VAC14: variants seen among roughly 807,000 people sequenced by gnomAD.
VAC14 encodes the protein VAC14 component of PIKFYVE complex.
Under a neutral mutation model 85.3 loss-of-function variants are expected in VAC14, and 47 were observed. The ratio of observed to expected loss-of-function variants is 0.55; its 90% CI spans 0.44 to 0.70. The LOEUF (loss-of-function observed/expected upper bound fraction) is 0.70. Among genes scored for constraint, VAC14 ranks in the 30% least tolerant of loss-of-function variants. The probability of loss-of-function intolerance (pLI) is 0.00; values close to 1 mark genes in which losing one functional copy is unlikely to be tolerated. For synonymous variants in VAC14, 447 were observed against 430.5 expected, an observed-to-expected ratio of 1.04 and a Z score of -0.47; for missense variants, 861 against 1,004.3, an observed-to-expected ratio of 0.86 and a Z score of 1.93.
At chr16:70,698,408 CCCT>C (rs557018959) in intron 15 of VAC14, among the ~76,000 whole-genome samples, 93 of 152,260 alleles carry the variant, frequency 6.1e-4, no homozygotes, top group African/African-American at 2.0e-3. Context: ...GACACGTGGA[CCCT>C]CCTGCGGGCA....
chr16:70,740,338 G>A (rs534396109), intron 13 of VAC14, among the ~76,000 whole-genome samples: 20 of 152,264 alleles, frequency 1.3e-4, no homozygotes, highest in South Asian at 6.2e-4. Flanking sequence ...AGGGGCAAAC[G>A]TCAGTCCTAG....
At chr16:70,739,166 G>A (rs1206783304) in intron 13 of VAC14, among the ~76,000 whole-genome samples, 2 of 152,210 alleles carry the variant, frequency 1.3e-5, no homozygotes, top group Admixed American at 6.5e-5. Flanking sequence ...TTTATAGAGA[G>A]GGAAGAAGTA....
chr16:70,737,737 A>G (rs2054805905), intron 13 of VAC14, among the ~76,000 whole-genome samples: 2 of 152,198 alleles, frequency 1.3e-5, no homozygotes, highest in African/African-American at 4.8e-5. Context: ...CTCACAAACA[A>G]CCTGCCCCGG....
chr16:70,748,049 C>T (rs1300053919), intron 12 of VAC14: 5 of 152,206 alleles, frequency 3.3e-5, no homozygotes, highest in African/African-American at 1.2e-4. Flanking sequence ...TCTCACCTCA[C>T]AGGATACACA....
chr16:70,718,136 C>T (rs1015843368), intron 14 of VAC14, among the ~76,000 whole-genome samples: 1 of 152,260 alleles, frequency 6.6e-6, no homozygotes, highest in African/African-American at 2.4e-5. Flanking sequence ...TCACAGTTAT[C>T]TACTAGTTGC....
At chr16:70,694,892 G>A (rs1432832572) in intron 17 of VAC14, among the ~76,000 whole-genome samples, 5 of 152,210 alleles carry the variant, frequency 3.3e-5, no homozygotes, top group African/African-American at 4.8e-5. Flanking sequence ...AGAGGGACTC[G>A]GGACCCACAA....
chr16:70,744,315 GA>G, intron 13 of VAC14, 107 bp downstream of exon 13: 1 of 1,452,140 alleles, frequency 6.9e-7, no homozygotes, highest in Non-Finnish European at 9.3e-7. Flanking sequence ...CACCCTGGCA[GA>G]GCTCCAGAGC....
At chr16:70,698,046 G>A (rs1404269584) in intron 15 of VAC14, among the ~76,000 whole-genome samples, 1 of 152,206 alleles carries the variant, frequency 6.6e-6, no homozygotes, top group Non-Finnish European at 1.5e-5. Flanking sequence ...ATAGGGGAGT[G>A]AGAGTGAGTG....
At chr16:70,723,340 G>C (rs1597885406) in intron 14 of VAC14, among the ~76,000 whole-genome samples, 2 of 152,212 alleles carry the variant, frequency 1.3e-5, no homozygotes, top group South Asian at 4.1e-4. Context: ...CTACTTGAGA[G>C]GCTGAGGCAG....
Position 70,801,059 on chromosome 16 carries a change from C to A in VAC14, c.-159G>T. 1 of 491,258 alleles carries A rather than the reference C, an allele frequency of 2.0e-6. No homozygotes were observed. The highest frequency in any genetic ancestry group is 3.5e-6 in the Non-Finnish European group (1 of 285,678). The allele number at this position is 491,258 out of a possible 1,614,324, so 30.4% of individuals were successfully genotyped here. A position where few individuals can be genotyped will look rare whatever the true frequency, so the allele number is the denominator to read the frequency against. ...CGCTCCGCCGCCTCGCCCTGGAACC[C>A]GGGCCCGGACCCCGCTCCAGCACAC... On this transcript the variant is annotated 5_prime_UTR_variant, in exon 1 of 19. Transcript: ENST00000261776.
chr16:70,783,003 C>T (rs762263181), intron 7 of VAC14, 30 bp downstream of exon 7: 4 of 1,598,548 alleles, frequency 2.5e-6, no homozygotes, highest in Admixed American at 1.7e-5. Flanking sequence ...CAGTGGCAGC[C>T]GTGGCTGTGG....
At chr16:70,709,150 C>A (rs1289176114) in intron 14 of VAC14, among the ~76,000 whole-genome samples, 5 of 152,184 alleles carry the variant, frequency 3.3e-5, no homozygotes. Flanking sequence ...CAGCATGGGC[C>A]ACTTGTGATT....
At chr16:70,724,524 G>T (rs991414020) in intron 14 of VAC14, among the ~76,000 whole-genome samples, 2 of 152,174 alleles carry the variant, frequency 1.3e-5, no homozygotes, top group Non-Finnish European at 2.9e-5. Flanking sequence ...TCTCCCAACA[G>T]TCTTTTCTGT....
chr16:70,710,358 G>T (rs1174520179), intron 14 of VAC14, among the ~76,000 whole-genome samples: 1 of 152,212 alleles, frequency 6.6e-6, no homozygotes, highest in Non-Finnish European at 1.5e-5. Context: ...CTCACACAGG[G>T]TCCTCGGAGA....
At chr16:70,760,690 G>A (rs1449953168) in intron 12 of VAC14, among the ~76,000 whole-genome samples, 4 of 152,162 alleles carry the variant, frequency 2.6e-5, no homozygotes, top group Non-Finnish European at 4.4e-5. Flanking sequence ...TTAATGGACT[G>A]CATCTCCGCC....
At chr16:70,748,231 G>T (rs2031078088) in intron 12 of VAC14, among the ~76,000 whole-genome samples, 1 of 152,220 alleles carries the variant, frequency 6.6e-6, no homozygotes, top group South Asian at 2.1e-4. Flanking sequence ...ACCACACAAT[G>T]CTCCCTCTCC....
chr16:70,697,239 A>G lies in VAC14; in HGVS notation c.1855T>C (p.Cys619Arg). 6.2e-7 allele frequency: 1 copy of G among 1,613,870 alleles called. No individual in the cohort carries two copies. ...LKTLESQNLF[C>R]CLYRSWCHNP... Reference sequence around the variant, plus strand: ...TGGCACCAGGAGCGGTACAGGCAGCAGAACAGGTTCTGGCTCTCCTGTGGG... The same window carrying G: ...TGGCACCAGGAGCGGTACAGGCAGCGGAACAGGTTCTGGCTCTCCTGTGGG... Residue 619 changes from cysteine (C) to arginine (R), a missense_variant, in exon 16 of 19, where the codon TGC becomes CGC. Physicochemically the swap from Cys to Arg is radical, Grantham distance 180 (BLOSUM62 -3). This residue lies in a region of VAC14 where 69 missense variants were observed against 139.0 expected (regional missense o/e 0.50). Transcript: ENST00000261776.
At chr16:70,749,446 C>T (rs972078425) in intron 12 of VAC14, among the ~76,000 whole-genome samples, 10 of 152,254 alleles carry the variant, frequency 6.6e-5, no homozygotes, top group African/African-American at 1.7e-4. Context: ...TCTACAGGTT[C>T]GTTCAGTAAT....
rs1287047998 is a variant in VAC14 at position 70,762,852 on chromosome 16, C to T, written c.1305+29G>A. 1.2e-6 allele frequency: 2 copies of T among 1,613,844 alleles called. No individual in the cohort carries two copies. Among genetic ancestry groups the T allele is most frequent in the East Asian group, 2.2e-5 (1 of 44,868 alleles). Reference sequence around the variant, plus strand: ...AAAACCAAGGCGGACCCAGAAGAGGCCCCTGGCTTGGAGGGGCCCAGGGCT... The same window carrying T: ...AAAACCAAGGCGGACCCAGAAGAGGTCCCTGGCTTGGAGGGGCCCAGGGCT... On this transcript the variant is annotated intron_variant, in intron 11 of 18. Transcript: ENST00000261776. The surrounding 1 kb of genome is among the most constrained non-coding windows in gnomAD (Gnocchi z 4.1).
Sources: allele counts gnomAD v4.1 joint callset (sites outside exome capture counted in the v4.1 genomes callset), GRCh38; gene constraint gnomAD v4.1.1; regional missense constraint gnomAD v4.1.1; non-coding constraint Gnocchi (gnomAD v3.1); transcripts MANE v1.5; gene names NCBI Gene and HGNC (gene_info 2026-07-23, HGNC 2026-07-21).